The following ZBTB7C variants were observed in gnomAD, a reference collection of about 807,000 sequenced individuals.
ZBTB7C encodes the protein zinc finger and BTB domain containing 7C, also known as zinc finger and BTB domain-containing protein 7C.
In ZBTB7C, 8 loss-of-function variants were observed where a neutral mutation model predicts 25.7. The ratio of observed to expected loss-of-function variants is 0.31; its 90% CI spans 0.18 to 0.56. ZBTB7C has a LOEUF of 0.56. Ranked by LOEUF, ZBTB7C falls within the 20% of genes least tolerant of loss-of-function variation. The probability of loss-of-function intolerance (pLI) is 0.91; values close to 1 mark genes in which losing one functional copy is unlikely to be tolerated. For missense variants in ZBTB7C, 824 were observed against 855.2 expected, an observed-to-expected ratio of 0.96 and a Z score of 0.46; for synonymous variants, 394 against 369.0, an observed-to-expected ratio of 1.07 and a Z score of -0.78.
chr18:48,032,678 T>G (rs892273285), intron 4 of ZBTB7C, among the ~76,000 whole-genome samples: 1 of 151,982 alleles, frequency 6.6e-6, no homozygotes, highest in African/African-American at 2.4e-5. Flanking sequence ...CCTCGTGATC[T>G]GCCCACCCCA....
chr18:48,049,500 T>A (rs2036601335), intron 3 of ZBTB7C, among the ~76,000 whole-genome samples: 1 of 152,208 alleles, frequency 6.6e-6, no homozygotes, highest in Admixed American at 6.5e-5. Context: ...AGACACTGTA[T>A]GAATGAGATT....
At chr18:48,177,154 C>T (rs2041708251) in intron 3 of ZBTB7C, among the ~76,000 whole-genome samples, 1 of 152,252 alleles carries the variant, frequency 6.6e-6, no homozygotes, top group African/African-American at 2.4e-5. Context: ...CCATTTCTGG[C>T]CTGGAGCAGG....
intron 1 of ZBTB7C, among the ~76,000 whole-genome samples, chr18:48,354,807 G>A (rs914407942): frequency 2.6e-4 from 39 of 152,182 alleles, no homozygotes; most frequent in Non-Finnish European, 1.3e-4. Context: ...TGCAGCAGAG[G>A]AAGGGAGACA....
At chr18:48,128,819 C>T (rs763632333) in intron 3 of ZBTB7C, among the ~76,000 whole-genome samples, 3 of 152,020 alleles carry the variant, frequency 2.0e-5, no homozygotes, top group Non-Finnish European at 4.4e-5. Context: ...ATAATTCAGC[C>T]GTGTAACCAA....
At chr18:48,269,993 G>A (rs2044427299) in intron 2 of ZBTB7C, among the ~76,000 whole-genome samples, 1 of 152,012 alleles carries the variant, frequency 6.6e-6, no homozygotes, top group South Asian at 2.1e-4. Flanking sequence ...AATCTAAAGA[G>A]GTTGAAAATA....
intron 4 of ZBTB7C, among the ~76,000 whole-genome samples, chr18:48,034,404 C>G (rs1337401566): frequency 1.3e-5 from 2 of 152,112 alleles, no homozygotes; most frequent in Non-Finnish European, 2.9e-5. Flanking sequence ...ACCCTGGCTC[C>G]TTCCCCGTGT....
intron 1 of ZBTB7C, among the ~76,000 whole-genome samples, chr18:48,352,966 T>A (rs545950192): frequency 2.0e-5 from 3 of 152,178 alleles, no homozygotes; most frequent in Admixed American, 6.5e-5. Context: ...AGAATCATCA[T>A]CTGCCCTGCC....
intron 3 of ZBTB7C, among the ~76,000 whole-genome samples, chr18:48,139,899 C>G (rs1372792897): frequency 6.6e-6 from 1 of 152,004 alleles, no homozygotes; most frequent in Non-Finnish European, 1.5e-5. Flanking sequence ...CCCTCTTTGG[C>G]CTCCTCCTCC....
At chr18:48,041,696 G>A (rs7232415) in intron 3 of ZBTB7C, among the ~76,000 whole-genome samples, 7,305 of 151,434 alleles carry the variant, frequency 0.048, 618 homozygotes, top group African/African-American at 0.17. Context: ...GACCTTACTC[G>A]TTCATTGCAG....
intron 3 of ZBTB7C, among the ~76,000 whole-genome samples, chr18:48,105,312 T>C (rs992311446): frequency 2.6e-5 from 4 of 152,212 alleles, no homozygotes; most frequent in Admixed American, 1.3e-4. Flanking sequence ...ATGCCTGATA[T>C]ACTTTGACTG....
At chr18:48,267,291 T>G (rs1159137439) in intron 2 of ZBTB7C, among the ~76,000 whole-genome samples, 1 of 152,222 alleles carries the variant, frequency 6.6e-6, no homozygotes, top group Non-Finnish European at 1.5e-5. Flanking sequence ...CAACAATTCA[T>G]CCAGCATCAG....
At chr18:48,253,855 C>A (rs1287028950) in intron 2 of ZBTB7C, among the ~76,000 whole-genome samples, 1 of 152,194 alleles carries the variant, frequency 6.6e-6, no homozygotes, top group African/African-American at 2.4e-5. Flanking sequence ...TGTGCTTTGA[C>A]CTACTTCCTT....
chr18:48,079,496 G>C (rs1445830843), intron 3 of ZBTB7C, among the ~76,000 whole-genome samples: 1 of 152,202 alleles, frequency 6.6e-6, no homozygotes, highest in Admixed American at 6.5e-5. Flanking sequence ...CCTCATTGGA[G>C]GGGACAAACT....
intron 3 of ZBTB7C, among the ~76,000 whole-genome samples, chr18:48,050,727 C>T (rs2036652809): frequency 6.6e-6 from 1 of 152,122 alleles, no homozygotes; most frequent in African/African-American, 2.4e-5. Context: ...GGGTTCTCAT[C>T]CCAGTCACAG....
intron 2 of ZBTB7C, among the ~76,000 whole-genome samples, chr18:48,213,975 G>A (rs1374698976): frequency 6.6e-6 from 1 of 152,234 alleles, no homozygotes; most frequent in Non-Finnish European, 1.5e-5. Context: ...AGTCAAAGGT[G>A]CTTGGACACG....
intron 1 of ZBTB7C, among the ~76,000 whole-genome samples, chr18:48,342,465 C>T (rs1317153133): frequency 4.6e-5 from 7 of 152,180 alleles, no homozygotes; most frequent in South Asian, 2.1e-4. Flanking sequence ...CCAGCTGAGA[C>T]GGCCATCGTC....
intron 1 of ZBTB7C, among the ~76,000 whole-genome samples, chr18:48,386,609 G>A (rs963182569): frequency 6.6e-6 from 1 of 152,230 alleles, no homozygotes. Context: ...AACCTTGAGT[G>A]TAGGATGATG....
Position 48,328,516 on chromosome 18 carries a change from A to C in ZBTB7C, c.-79+9658T>G, listed in dbSNP as rs566918136. 3.9e-5 allele frequency among the ~76,000 whole-genome samples: 6 copies of C among 152,332 alleles called. No individual in the cohort carries two copies. The South Asian group carries it at 1.2e-3, about 32-fold the overall frequency. Reference sequence around the variant, plus strand: ...CTTTCAAATTTACTGCATATCTACTATATACCTGGTTGGGCTGGCCCAAAT... The same window carrying C: ...CTTTCAAATTTACTGCATATCTACTCTATACCTGGTTGGGCTGGCCCAAAT... On this transcript the variant is annotated intron_variant, in intron 2 of 4. Transcript: ENST00000590800.
chr18:48,349,552 G>C (rs868836614), intron 1 of ZBTB7C, among the ~76,000 whole-genome samples: 1 of 152,226 alleles, frequency 6.6e-6, no homozygotes, highest in Non-Finnish European at 1.5e-5. Flanking sequence ...CAAAGGCAGA[G>C]ACCCTGAGTC....
Sources: gnomAD v4.1 joint callset for allele counts (sites outside exome capture counted in the v4.1 genomes callset) on GRCh38, gnomAD v4.1.1 for gene constraint, MANE v1.5 for transcripts, NCBI Gene and HGNC (gene_info 2026-07-23, HGNC 2026-07-21) for gene names.